The following SLC2A13 variants were observed in gnomAD, a reference collection of about 807,000 sequenced individuals.
SLC2A13 encodes proton myo-inositol cotransporter.
Under a neutral mutation model 64.4 loss-of-function variants are expected in SLC2A13, and 32 were observed. The observed-to-expected ratio is 0.50, with a 90% CI of 0.37 to 0.67. SLC2A13 has a LOEUF of 0.67. Among genes scored for constraint, SLC2A13 ranks in the 30% least tolerant of loss-of-function variants. The probability of loss-of-function intolerance (pLI) is 0.00; values close to 1 mark genes in which losing one functional copy is unlikely to be tolerated. For missense variants in SLC2A13, 743 were observed against 829.2 expected (o/e 0.90, Z 1.28); for synonymous variants, 338 against 327.1 (o/e 1.03, Z -0.36).
chr12:39,938,735 AC>A (rs1358942900), intron 4 of SLC2A13, among the ~76,000 whole-genome samples: 1 of 151,030 alleles, frequency 6.6e-6, no homozygotes, highest in Non-Finnish European at 1.5e-5. Context: ...CATGAACAGT[AC>A]TAAGAAAGTT....
At chr12:39,949,716 A>G (rs554036805) in intron 4 of SLC2A13, 1 of 152,364 alleles carries the variant, frequency 6.6e-6, no homozygotes, top group Non-Finnish European at 1.5e-5. Context: ...GTCAAGTTTA[A>G]ATGCTTAGGA....
chr12:39,862,858 C>T (rs1943798062), intron 6 of SLC2A13, among the ~76,000 whole-genome samples: 1 of 152,132 alleles, frequency 6.6e-6, no homozygotes, highest in South Asian at 2.1e-4. Flanking sequence ...GTGTTAGGAA[C>T]ATTCCAATTC....
rs536183738 is a variant in SLC2A13 at position 39,923,660 on chromosome 12, GATTAT to G, written c.1034+27592_1034+27596del. 3.6e-3 allele frequency among the ~76,000 whole-genome samples: 521 copies of G among 144,776 alleles called. 6 individuals carry two copies. Among genetic ancestry groups the G allele is most frequent in the African/African-American group, 0.013 (493 of 39,010 alleles). 95.0% of individuals were successfully genotyped at this position (144,776 alleles called of 152,430 possible). On this transcript the variant is annotated intron_variant, in intron 4 of 9. Transcript: ENST00000280871. The stretch of plus-strand genomic sequence containing the variant: ...AATGGTAAAATCACAAATGTTATGT[GATTAT>G]ATGTATATATATATATATATATGCG...
chr12:40,037,566 G>A (rs1295842710), intron 2 of SLC2A13, among the ~76,000 whole-genome samples: 1 of 147,720 alleles, frequency 6.8e-6, no homozygotes, highest in Admixed American at 6.9e-5. Context: ...CTGTAAGTGA[G>A]CTATGATCCT....
intron 2 of SLC2A13, among the ~76,000 whole-genome samples, chr12:40,038,706 G>T (rs1388323216): frequency 6.7e-6 from 1 of 149,950 alleles, no homozygotes; most frequent in African/African-American, 2.5e-5. Context: ...ACACCAGCCT[G>T]GGTGACAGAG....
At chr12:39,961,067 A>C (rs1946404212) in intron 3 of SLC2A13, among the ~76,000 whole-genome samples, 1 of 146,628 alleles carries the variant, frequency 6.8e-6, no homozygotes, top group East Asian at 2.1e-4. Context: ...TTTAAAGAGA[A>C]TGTTTTTTTC....
At chr12:39,762,151 T>C (rs758878757) in intron 9 of SLC2A13, among the ~76,000 whole-genome samples, 87 of 152,052 alleles carry the variant, frequency 5.7e-4, no homozygotes, top group Non-Finnish European at 1.1e-3. Context: ...TGGTTAGACC[T>C]GTGGCTAAGT....
At position 39,774,829 on chromosome 12, in the gene SLC2A13, T is replaced by C. The variant is rs538733620; in HGVS notation, c.1446-9971A>G. 2.6e-5 allele frequency among the ~76,000 whole-genome samples: 4 copies of C among 152,302 alleles called. No individual in the cohort carries two copies. The East Asian group carries it at 7.7e-4, about 29-fold the overall frequency. On this transcript the variant is annotated intron_variant, in intron 7 of 9. Transcript: ENST00000280871. ...TGCATCTAAACTCCTTATCGGTATATTGACTACCTTATATACCCCAAGTAT... is the reference window on the plus strand; with the variant it reads ...TGCATCTAAACTCCTTATCGGTATACTGACTACCTTATATACCCCAAGTAT...
chr12:39,898,769 C>A (rs561062270), intron 4 of SLC2A13, among the ~76,000 whole-genome samples: 1 of 152,256 alleles, frequency 6.6e-6, no homozygotes, highest in African/African-American at 2.4e-5. Flanking sequence ...CTACTTACAT[C>A]TCTCTCAATT....
intron 2 of SLC2A13, among the ~76,000 whole-genome samples, chr12:40,041,250 C>T (rs1300428173): frequency 1.3e-5 from 2 of 152,100 alleles, no homozygotes; most frequent in African/African-American, 4.8e-5. Flanking sequence ...TCCATCCACA[C>T]CCACCAAAGG....
intron 3 of SLC2A13, among the ~76,000 whole-genome samples, chr12:39,961,645 C>G (rs1379958370): frequency 6.6e-6 from 1 of 151,894 alleles, no homozygotes; most frequent in Non-Finnish European, 1.5e-5. Context: ...ACCACAGGCA[C>G]ATGCCATCAC....
At chr12:39,790,052 A>C (rs1036647075) in intron 7 of SLC2A13, among the ~76,000 whole-genome samples, 1 of 151,926 alleles carries the variant, frequency 6.6e-6, no homozygotes, top group South Asian at 2.1e-4. Context: ...ATTTAACCCA[A>C]TATATCCTAA....
chr12:40,089,393 T>C (rs1938688424), intron 1 of SLC2A13, among the ~76,000 whole-genome samples: 1 of 152,226 alleles, frequency 6.6e-6, no homozygotes, highest in Non-Finnish European at 1.5e-5. Flanking sequence ...GACACTGTCT[T>C]CCTCTTTAGT....
intron 4 of SLC2A13, among the ~76,000 whole-genome samples, chr12:39,874,480 T>C (rs1944130675): frequency 6.6e-6 from 1 of 152,010 alleles, no homozygotes; most frequent in Non-Finnish European, 1.5e-5. Flanking sequence ...CTGGGCATGG[T>C]AGCGGGCACC....
chr12:39,983,068 G>T lies in SLC2A13; in HGVS notation c.926-31703C>A, dbSNP rs1427514155. 2.0e-5 allele frequency among the ~76,000 whole-genome samples: 3 copies of T among 150,778 alleles called. No homozygotes were observed. In the East Asian group the frequency reaches 5.9e-4, roughly 30 times the overall value. On this transcript the variant is annotated intron_variant, in intron 3 of 9. Transcript: ENST00000280871. ...TCTTTGACAAACCTGAGAAAAACAA[G>T]CAATGGGGAAAGGATCCCCTATTTA...
At chr12:39,898,949 C>T (rs927288577) in intron 4 of SLC2A13, among the ~76,000 whole-genome samples, 6 of 151,868 alleles carry the variant, frequency 4.0e-5, no homozygotes, top group Non-Finnish European at 8.8e-5. Context: ...TCTCTTTTTT[C>T]GTTGTGTCTC....
chr12:39,963,465 C>G (rs1272408975), intron 3 of SLC2A13, among the ~76,000 whole-genome samples: 2 of 152,148 alleles, frequency 1.3e-5, no homozygotes, highest in African/African-American at 4.8e-5. Context: ...CACTCCTACA[C>G]AGATTACTAA....
At chr12:39,856,162 A>G (rs1943601068) in intron 6 of SLC2A13, among the ~76,000 whole-genome samples, 1 of 152,150 alleles carries the variant, frequency 6.6e-6, no homozygotes, top group African/African-American at 2.4e-5. Flanking sequence ...GATGAAAATT[A>G]TACTAAAAAA....
chr12:39,813,543 T>A (rs902240483), intron 7 of SLC2A13, among the ~76,000 whole-genome samples: 8 of 152,236 alleles, frequency 5.3e-5, no homozygotes, highest in African/African-American at 1.9e-4. Context: ...AACAATATGA[T>A]TACTGCACCT....
Sources: gnomAD v4.1 joint callset for allele counts (sites outside exome capture counted in the v4.1 genomes callset) on GRCh38, gnomAD v4.1.1 for gene constraint, MANE v1.5 for transcripts, NCBI Gene and HGNC (gene_info 2026-07-23, HGNC 2026-07-21) for gene names.